The following ZNF10 variants were observed in gnomAD, a reference collection of about 807,000 sequenced individuals.
ZNF10 encodes the protein zinc finger protein 10.
In ZNF10, 8 loss-of-function variants were observed where a neutral mutation model predicts 12.2. The ratio of observed to expected loss-of-function variants is 0.66; its 90% confidence interval spans 0.39 to 1.18. The LOEUF (loss-of-function observed/expected upper bound fraction) is 1.18. Among genes scored for constraint, ZNF10 ranks in the 50% most tolerant of loss-of-function variants. ZNF10 has a pLI of 0.01. For missense variants in ZNF10, 603 were observed against 678.9 expected (o/e 0.89, Z 1.24); for synonymous variants, 229 against 228.2 (o/e 1.00, Z -0.03).
intron 1 of ZNF10, among the ~76,000 whole-genome samples, chr12:133,135,999 A>G (rs1320122635): frequency 2.0e-5 from 3 of 152,230 alleles, no homozygotes; most frequent in Non-Finnish European, 4.4e-5. Context: ...CTCAATGATC[A>G]TGGCCATCTG....
rs757663056 is a variant in ZNF10 at position 133,156,809 on chromosome 12, A to T, written c.1563A>T (p.Gln521His). 3 of 1,552,522 alleles carry T rather than the reference A, an allele frequency of 1.9e-6. No homozygotes were observed. The highest frequency in any genetic ancestry group is 4.5e-5 in the East Asian group (2 of 44,464). The change falls in exon 5 of 5, where the codon CAA becomes CAT. Residue 521 changes from glutamine (Q) to histidine (H), a missense_variant. By Grantham distance (24) the Gln-to-His change is conservative. Around this residue, in one of 3 missense-constraint regions of ZNF10, gnomAD observed 204 missense variants for 262.8 expected, o/e 0.78. Transcript: ENST00000248211. ...GAGAAGAGACCTATAAATGTAATCA[A>T]TGTGGCATTATCTTCAGCCAGAACT... ...HVGEETYKCN[Q>H]CGIIFSQNSP... is the part of the protein sequence containing the mutation.
chr12:133,138,873 G>C (rs1047525830), intron 1 of ZNF10, among the ~76,000 whole-genome samples: 3 of 152,116 alleles, frequency 2.0e-5, no homozygotes, highest in South Asian at 2.1e-4. Flanking sequence ...GTCTGGGTTC[G>C]TACACCTCTT....
chr12:133,147,320 A>C (rs1337246978), intron 2 of ZNF10, among the ~76,000 whole-genome samples: 2 of 152,358 alleles, frequency 1.3e-5, no homozygotes, highest in East Asian at 3.9e-4. Flanking sequence ...ACTTTATGAA[A>C]AATATGCAAA....
intron 2 of ZNF10, among the ~76,000 whole-genome samples, chr12:133,149,642 C>T (rs1955996246): frequency 6.6e-6 from 1 of 151,472 alleles, no homozygotes; most frequent in Non-Finnish European, 1.5e-5. Context: ...CAGGTGTGAG[C>T]CACTGCACCC....
Position 133,155,762 on chromosome 12 carries a change from C to G in ZNF10, c.516C>G (p.Asn172Lys), listed in dbSNP as rs965251707. The stretch of plus-strand genomic sequence containing the variant: ...CTGAAAGTGGTAAATATGGGGGAAA[C>G]TGTCTTCTTCCTGCTCAGCTAGTAC... Reference protein sequence around the residue: ...RVSESGKYGGNCLLPAQLVLR... With the variant: ...RVSESGKYGGKCLLPAQLVLR... The change falls in exon 5 of 5, where the codon AAC becomes AAG. Residue 172 changes from asparagine (N) to lysine (K), a missense_variant. Physicochemically the swap from Asn to Lys is moderately conservative, Grantham distance 94 (BLOSUM62 0). Around this residue, in one of 3 missense-constraint regions of ZNF10, gnomAD observed 393 missense variants for 399.7 expected, o/e 0.98. Transcript: ENST00000248211. The G allele has an allele frequency of 1.2e-6, 2 of 1,613,028 alleles. No individual in the cohort carries two copies. Among genetic ancestry groups the G allele is most frequent in the East Asian group, 2.2e-5 (1 of 44,868 alleles).
intron 1 of ZNF10, among the ~76,000 whole-genome samples, chr12:133,133,543 T>C (rs1955892742): frequency 6.6e-6 from 1 of 152,210 alleles, no homozygotes; most frequent in Non-Finnish European, 1.5e-5. Context: ...GTTGAAGTGC[T>C]GGAATAGGGC....
intron 1 of ZNF10, chr12:133,143,421 T>C (rs1283960280): frequency 6.6e-6 from 1 of 152,136 alleles, no homozygotes; most frequent in African/African-American, 2.4e-5. Flanking sequence ...GGTTGAATTG[T>C]ACCATATGGC....
intron 1 of ZNF10, among the ~76,000 whole-genome samples, chr12:133,132,272 T>A (rs1955884397): frequency 6.7e-6 from 1 of 150,098 alleles, no homozygotes; most frequent in Admixed American, 6.6e-5. Flanking sequence ...TCTGAGAATT[T>A]TTTTTTTTTT....
intron 1 of ZNF10, among the ~76,000 whole-genome samples, chr12:133,143,280 A>C (rs1267637535): frequency 6.6e-6 from 1 of 152,158 alleles, no homozygotes; most frequent in Non-Finnish European, 1.5e-5. Flanking sequence ...GTTGTACCAC[A>C]CTGTGAATGT....
intron 4 of ZNF10, among the ~76,000 whole-genome samples, chr12:133,152,722 T>A (rs1272274465): frequency 2.0e-5 from 3 of 152,180 alleles, no homozygotes; most frequent in African/African-American, 7.2e-5. Flanking sequence ...AGCCTCTATC[T>A]AGTTTTGTAT....
At chr12:133,155,222 G>T (rs1956032009) in intron 4 of ZNF10, among the ~76,000 whole-genome samples, 1 of 152,080 alleles carries the variant, frequency 6.6e-6, no homozygotes, top group Non-Finnish European at 1.5e-5. Flanking sequence ...CCTTTTTATG[G>T]AATTTCCCTT....
At position 133,137,053 on chromosome 12, in the gene ZNF10, A is replaced by G. The variant is rs573934970; in HGVS notation, c.-60+6299A>G. Among the ~76,000 whole-genome samples, 3 of 152,306 alleles carry G rather than the reference A, an allele frequency of 2.0e-5. No individual in the cohort carries two copies. In the East Asian group the frequency reaches 5.8e-4, roughly 29 times the overall value. On this transcript the variant is annotated intron_variant, in intron 1 of 4. Coordinates refer to ENST00000248211, the MANE Select transcript of ZNF10 (RefSeq NM_015394.5). ...GATATTGTTCTCCATTTAGTCACAC[A>G]GAAGCCTGAGAGTCATGTGAAGCTG...
intron 1 of ZNF10, among the ~76,000 whole-genome samples, chr12:133,141,958 A>G (rs1369779342): frequency 1.3e-5 from 2 of 152,218 alleles, no homozygotes; most frequent in Non-Finnish European, 2.9e-5. Context: ...CATGCTATAT[A>G]CAGAGGAATA....
intron 2 of ZNF10, among the ~76,000 whole-genome samples, chr12:133,148,778 G>T (rs1955990919): frequency 7.2e-6 from 1 of 138,356 alleles, no homozygotes; most frequent in Non-Finnish European, 1.6e-5. Context: ...TTGAGTTGGA[G>T]TTTTGCTCTC....
intron 4 of ZNF10, 51 bp downstream of exon 4, chr12:133,151,955 G>C: frequency 6.8e-7 from 1 of 1,477,916 alleles, no homozygotes; most frequent in Non-Finnish European, 9.4e-7. Flanking sequence ...TGGGCTGTGA[G>C]GTGCCAGAAC....
At chr12:133,142,428 A>AAAAAAAG (rs780984486) in intron 1 of ZNF10, among the ~76,000 whole-genome samples, 1 of 150,348 alleles carries the variant, frequency 6.7e-6, no homozygotes. Flanking sequence ...AAAAAAAAAA[A>AAAAAAAG]GTGGGAGAAA....
intron 3 of ZNF10, among the ~76,000 whole-genome samples, chr12:133,151,372 A>C (rs556765881): frequency 6.6e-6 from 1 of 152,244 alleles, no homozygotes; most frequent in African/African-American, 2.4e-5. Context: ...CTGGCTGGGC[A>C]TGGTGGCTCA....
intron 1 of ZNF10, among the ~76,000 whole-genome samples, chr12:133,133,785 C>G (rs1316692280): frequency 6.6e-6 from 1 of 152,164 alleles, no homozygotes; most frequent in Non-Finnish European, 1.5e-5. Context: ...ACTTTCATAG[C>G]CTTCTTGCCG....
chr12:133,155,478 C>A, intron 4 of ZNF10, 25 bp from the exon 5 acceptor site: 1 of 1,555,430 alleles, frequency 6.4e-7, no homozygotes, highest in South Asian at 1.3e-5. Flanking sequence ...TGTTTAGTTA[C>A]ACAAACATTT....
Sources: gnomAD v4.1 joint callset for allele counts (sites outside exome capture counted in the v4.1 genomes callset) on GRCh38, gnomAD v4.1.1 for gene constraint, gnomAD v4.1.1 regional missense constraint, MANE v1.5 for transcripts, NCBI Gene and HGNC (gene_info 2026-07-23, HGNC 2026-07-21) for gene names.